RYK: variants seen among roughly 807,000 people sequenced by gnomAD.
RYK encodes receptor like tyrosine kinase, also known as inactive tyrosine-protein kinase RYK.
RYK carries 21 observed loss-of-function variants against 70.2 expected under a neutral mutation model. That is an observed-to-expected ratio of 0.30 (90% CI 0.21 to 0.43). RYK has a LOEUF of 0.43. Among genes scored for constraint, RYK ranks in the 20% least tolerant of loss-of-function variants. The pLI is 1.00. For synonymous variants in RYK, 267 were observed against 278.0 expected (o/e 0.96, Z 0.39); for missense variants, 604 against 753.3 (o/e 0.80, Z 2.32).
intron 8 of RYK, 22 bp downstream of exon 8, chr3:134,191,826 AC>A: frequency 1.3e-6 from 2 of 1,582,600 alleles, no homozygotes; most frequent in Non-Finnish European, 1.7e-6. Context: ...TACTTAAAAA[AC>A]CGACTTTGAG....
chr3:134,204,194 T>TATA (rs2014127058), intron 5 of RYK, among the ~76,000 whole-genome samples: 1 of 152,104 alleles, frequency 6.6e-6, no homozygotes, highest in African/African-American at 2.4e-5. Context: ...AGCTTTATAT[T>TATA]ATTTTAAAAA....
chr3:134,246,853 AG>A (rs1448487728), intron 1 of RYK, among the ~76,000 whole-genome samples: 2 of 152,184 alleles, frequency 1.3e-5, no homozygotes, highest in Non-Finnish European at 2.9e-5. Context: ...AAGACAGGAA[AG>A]AAGTAACAGG....
intron 10 of RYK, chr3:134,179,132 T>TA (rs2013208503): frequency 6.6e-6 from 1 of 152,128 alleles, no homozygotes; most frequent in African/African-American, 2.4e-5. Flanking sequence ...GAAAGTAAGA[T>TA]AAAAAATTCC....
At position 134,175,974 on chromosome 3, in the gene RYK, G is replaced by C. The variant is rs56141578; in HGVS notation, c.1371C>G (p.Ala457=). ...GGTCTTTGTGGATGACTTCCCTTCT[G>C]GCCAGGTAGCTCATTCCACAGGCAA... ...IQIACGMSYL[A]RREVIHKDLA... Residue 457 remains alanine (A), a synonymous_variant, in exon 12 of 15, where the codon GCC becomes GCG. Transcript: ENST00000623711. The C allele has an allele frequency of 1.2e-5, 20 of 1,609,868 alleles. No individual in the cohort carries two copies. Among genetic ancestry groups the C allele is most frequent in the East Asian group, 8.9e-5 (4 of 44,816 alleles).
intron 6 of RYK, among the ~76,000 whole-genome samples, chr3:134,197,280 A>C (rs926825983): frequency 1.6e-4 from 25 of 152,198 alleles, no homozygotes; most frequent in African/African-American, 5.8e-4. Context: ...GTCAATATAG[A>C]AAAGAGATGA....
intron 1 of RYK, among the ~76,000 whole-genome samples, chr3:134,242,855 AG>A (rs367758077): frequency 3.0e-4 from 46 of 152,322 alleles, no homozygotes; most frequent in South Asian, 1.2e-3. Flanking sequence ...GTGTAGCATG[AG>A]GAAAAAAAAC....
chr3:134,218,557 C>A (rs1426835314), intron 2 of RYK, among the ~76,000 whole-genome samples: 1 of 152,106 alleles, frequency 6.6e-6, no homozygotes, highest in African/African-American at 2.4e-5. Context: ...GAAAAAACGG[C>A]ATTTGTGGCA....
At chr3:134,211,825 C>T (rs562066559) in intron 2 of RYK, among the ~76,000 whole-genome samples, 1 of 152,192 alleles carries the variant, frequency 6.6e-6, no homozygotes, top group Admixed American at 6.5e-5. Context: ...AAGTCCACAA[C>T]AGGACCACCA....
At chr3:134,210,249 C>A (rs1025882777) in intron 3 of RYK, among the ~76,000 whole-genome samples, 7 of 152,284 alleles carry the variant, frequency 4.6e-5, no homozygotes, top group African/African-American at 1.7e-4. Context: ...CAACTCACTA[C>A]CAAAATGCAA....
rs899918865 is a variant in RYK, at chr3:134,250,738, C to T, written c.-84G>A. On this transcript the variant is annotated 5_prime_UTR_variant, in exon 1 of 15. Transcript: ENST00000623711. ...CCCGGCCCCGAGCCGCTCACAGCCCCGAGCCGGGGGCGGCTGCCCAGCTCA... is the reference window on the plus strand; with the variant it reads ...CCCGGCCCCGAGCCGCTCACAGCCCTGAGCCGGGGGCGGCTGCCCAGCTCA... 7 of 676,062 alleles carry T rather than the reference C, an allele frequency of 1.0e-5. No individual in the cohort carries two copies. Among genetic ancestry groups the T allele is most frequent in the African/African-American group, 2.0e-5 (1 of 50,800 alleles). 41.9% of individuals were successfully genotyped at this position (676,062 alleles called of 1,614,324 possible). A position where few individuals can be genotyped will look rare whatever the true frequency, so the allele number is the denominator to read the frequency against.
At chr3:134,190,826 G>GA (rs2013621089) in intron 8 of RYK, among the ~76,000 whole-genome samples, 1 of 152,092 alleles carries the variant, frequency 6.6e-6, no homozygotes, top group Non-Finnish European at 1.5e-5. Context: ...AACATTAATT[G>GA]ATCTCTCATT....
chr3:134,191,488 C>T (rs2013638752), intron 8 of RYK, among the ~76,000 whole-genome samples: 1 of 152,186 alleles, frequency 6.6e-6, no homozygotes, highest in Non-Finnish European at 1.5e-5. Flanking sequence ...CATGTCCATT[C>T]CTTCCGCTAC....
At chr3:134,168,128 A>C (rs1185320536) in intron 13 of RYK, among the ~76,000 whole-genome samples, 5 of 152,186 alleles carry the variant, frequency 3.3e-5, no homozygotes, top group East Asian at 1.9e-4. Flanking sequence ...ACAACAGGTG[A>C]TGGAGAGGAT....
intron 1 of RYK, among the ~76,000 whole-genome samples, chr3:134,234,254 A>AAAAAT (rs1191972903): frequency 6.6e-6 from 1 of 152,156 alleles, no homozygotes. Flanking sequence ...AAAGGCCCTC[A>AAAAAT]AAAATAAAAT....
intron 9 of RYK, among the ~76,000 whole-genome samples, chr3:134,185,630 T>C (rs913024879): frequency 7.9e-5 from 12 of 152,212 alleles, no homozygotes; most frequent in African/African-American, 2.9e-4. Context: ...TGTGCCTTTA[T>C]TACTCTTTCT....
At chr3:134,206,161 CA>C (rs2014207103) in intron 5 of RYK, among the ~76,000 whole-genome samples, 1 of 152,044 alleles carries the variant, frequency 6.6e-6, no homozygotes, top group South Asian at 2.1e-4. Context: ...CATTATTTTA[CA>C]GGCAAAAAAA....
intron 1 of RYK, among the ~76,000 whole-genome samples, chr3:134,224,740 T>C (rs972202377): frequency 5.9e-5 from 9 of 152,224 alleles, no homozygotes; most frequent in Non-Finnish European, 1.0e-4. Context: ...AGGAGCCCTC[T>C]AGTGGCCCTA....
At position 134,195,131 on chromosome 3, in the gene RYK, C is replaced by A. The variant is rs372650675; in HGVS notation, c.840G>T (p.Thr280=). The A allele has an allele frequency of 1.2e-6, 2 of 1,613,354 alleles. No individual in the cohort carries two copies. The highest frequency in any genetic ancestry group is 1.1e-5 in the South Asian group (1 of 90,988). Residue 280 remains threonine (T), a synonymous_variant, in exon 7 of 15, where the codon ACG becomes ACT. Coordinates refer to ENST00000623711, the MANE Select transcript of RYK (RefSeq NM_002958.4). ...SQGLSQPSTQ[T]TQYLRADTPN... Reference sequence around the variant, plus strand: ...GCGTGTCTGCTCTCAGATACTGAGTCGTCTGGGTGGATGGCTGAGACAGCC... The same window carrying A: ...GCGTGTCTGCTCTCAGATACTGAGTAGTCTGGGTGGATGGCTGAGACAGCC...
In RYK at chr3:134,230,030, A is replaced by C. The variant is rs139782466; in HGVS notation, c.233-7491T>G. Among the ~76,000 whole-genome samples the C allele has an allele frequency of 8.9e-3, 1,357 of 152,312 alleles. 13 individuals are homozygous for C. The highest frequency in any genetic ancestry group is 0.041 in the Middle Eastern group (12 of 294). Reference sequence around the variant, plus strand: ...CTATGATCCAAGAATTCCATTTCTGAGTAATTATCCAAAAGAAAAGAAAAC... The same window carrying C: ...CTATGATCCAAGAATTCCATTTCTGCGTAATTATCCAAAAGAAAAGAAAAC... On this transcript the variant is annotated intron_variant, in intron 1 of 14. Transcript: ENST00000623711.
Sources: gnomAD v4.1 joint callset for allele counts (sites outside exome capture counted in the v4.1 genomes callset) on GRCh38, gnomAD v4.1.1 for gene constraint, MANE v1.5 for transcripts, NCBI Gene and HGNC (gene_info 2026-07-23, HGNC 2026-07-21) for gene names.